The following MAD2L1BP variants were observed in gnomAD, a reference collection of about 807,000 sequenced individuals.
The protein encoded by MAD2L1BP is MAD2L1 binding protein.
Under a neutral mutation model 28.4 loss-of-function variants are expected in MAD2L1BP, and 22 were observed. The observed-to-expected ratio is 0.77, with a 90% CI of 0.55 to 1.10. The LOEUF (loss-of-function observed/expected upper bound fraction) is 1.10, where lower values mean the gene tolerates loss of function less well. Among genes scored for constraint, MAD2L1BP ranks in the 50% least tolerant of loss-of-function variants. The probability of loss-of-function intolerance (pLI) is 0.00; values close to 1 mark genes in which losing one functional copy is unlikely to be tolerated. For missense variants in MAD2L1BP, 325 were observed against 350.5 expected, an observed-to-expected ratio of 0.93 and a Z score of 0.58; for synonymous variants, 146 against 133.7, an observed-to-expected ratio of 1.09 and a Z score of -0.63.
intron 2 of MAD2L1BP, among the ~76,000 whole-genome samples, chr6:43,637,134 G>A (rs1371329182): frequency 2.7e-5 from 4 of 150,322 alleles, no homozygotes; most frequent in African/African-American, 9.8e-5. Context: ...GCGTGATCTC[G>A]GCTCACTGCA....
At chr6:43,631,004 T>A (rs1337723141), upstream of MAD2L1BP, among the ~76,000 whole-genome samples, 1 of 151,684 alleles carries the variant, frequency 6.6e-6, no homozygotes, top group Non-Finnish European at 1.5e-5. Context: ...GCAGCAATAA[T>A]GACTTACCTC....
At chr6:43,635,192 G>T (rs1184022778), upstream of MAD2L1BP, among the ~76,000 whole-genome samples, 5 of 152,224 alleles carry the variant, frequency 3.3e-5, no homozygotes, top group Middle Eastern at 3.4e-3. Context: ...CTCTCACGTG[G>T]CTTATACGGT....
chr6:43,633,093 C>T, upstream of MAD2L1BP: 1 of 377,528 alleles, frequency 2.6e-6, no homozygotes, highest in Non-Finnish European at 5.1e-6. Context: ...AGCAATTCTC[C>T]CACCTCGGCC....
At chr6:43,632,748 C>T (rs1179574148), upstream of MAD2L1BP, among the ~76,000 whole-genome samples, 3 of 148,192 alleles carry the variant, frequency 2.0e-5, no homozygotes, top group Admixed American at 6.9e-5. Flanking sequence ...CAGCCGGGTG[C>T]GGTGGCTCAC....
Position 43,640,328 on chromosome 6 carries a change from C to T in MAD2L1BP, c.620C>T (p.Pro207Leu), listed in dbSNP as rs1158724444. Residue 207 changes from proline to leucine, a missense_variant, in exon 3 of 3, where the codon CCA (proline) becomes CTA (leucine). Transcript: ENST00000372171. ...GCCTTTAGCGAGCTTCAGGCTCCTCCACTCATGGGCACCGTCGTCATGGCA... is the reference window on the plus strand; with the variant it reads ...GCCTTTAGCGAGCTTCAGGCTCCTCTACTCATGGGCACCGTCGTCATGGCA... ...ADAFSELQAP[P>L]LMGTVVMAQG... is the part of the protein sequence containing the mutation. 4 of 1,613,638 alleles carry T rather than the reference C, an allele frequency of 2.5e-6. No homozygotes were observed. Among genetic ancestry groups the T allele is most frequent in the Non-Finnish European group, 3.4e-6 (4 of 1,179,778 alleles).
chr6:43,630,191 CT>C (rs1769817040), intron 1 of MAD2L1BP, among the ~76,000 whole-genome samples: 1 of 152,226 alleles, frequency 6.6e-6, no homozygotes, highest in Admixed American at 6.5e-5. Flanking sequence ...GGATTTTTGG[CT>C]TTTGACTCTC....
chr6:43,638,144 C>T (rs1294523496), intron 2 of MAD2L1BP, among the ~76,000 whole-genome samples: 1 of 150,652 alleles, frequency 6.6e-6, no homozygotes, highest in Non-Finnish European at 1.5e-5. Flanking sequence ...GTGATCCGCC[C>T]GCCTTGGCCT....
chr6:43,640,094 C>T lies in MAD2L1BP; in HGVS notation c.386C>T (p.Ala129Val). The change falls in exon 3 of 3, where the codon GCA becomes GTA. Residue 129 changes from alanine to valine, a missense_variant. Coordinates refer to ENST00000372171, the MANE Select transcript of MAD2L1BP (RefSeq NM_014628.3). ...AGCAGGAAATGCCAACAAGCCCTGG[C>T]AGAACTGGAGAGTGTCCTCAGCCAC... ...VSSRKCQQAL[A>V]ELESVLSHLE... The T allele has an allele frequency of 6.3e-7, 1 of 1,594,710 alleles. No homozygotes were observed. Among genetic ancestry groups the T allele is most frequent in the South Asian group, 1.1e-5 (1 of 89,328 alleles).
intron 2 of MAD2L1BP, among the ~76,000 whole-genome samples, chr6:43,637,320 C>T (rs2127863467): frequency 6.6e-6 from 1 of 151,992 alleles, no homozygotes; most frequent in South Asian, 2.1e-4. Context: ...CCGCCTTGGC[C>T]TCTCCCAAAG....
At chr6:43,632,538 C>T (rs879921092), upstream of MAD2L1BP, among the ~76,000 whole-genome samples, 3 of 151,566 alleles carry the variant, frequency 2.0e-5, no homozygotes, top group African/African-American at 7.3e-5. Context: ...GGATTACAGG[C>T]GTGAGCCACT....
At chr6:43,630,908 C>CAAAAAAAAAAAAAAA (rs753239311), upstream of MAD2L1BP, among the ~76,000 whole-genome samples, 1 of 53,620 alleles carries the variant, frequency 1.9e-5, no homozygotes, top group Non-Finnish European at 3.8e-5. Context: ...GACTTCGTCT[C>CAAAAAAAAAAAAAAA]AAAAAAAAAA....
At chr6:43,638,308 T>G (rs1358567272) in intron 2 of MAD2L1BP, among the ~76,000 whole-genome samples, 2 of 152,038 alleles carry the variant, frequency 1.3e-5, no homozygotes, top group East Asian at 2.0e-4. Context: ...TCCCAAAGTG[T>G]TGTTGGGATT....
At chr6:43,633,271 C>T, upstream of MAD2L1BP, 1 of 402,678 alleles carries the variant, frequency 2.5e-6, no homozygotes. Context: ...CTCCCAGGTT[C>T]AAGGGATTCT....
chr6:43,634,694 G>T (rs1770104867), upstream of MAD2L1BP, among the ~76,000 whole-genome samples: 1 of 152,104 alleles, frequency 6.6e-6, no homozygotes, highest in African/African-American at 2.4e-5. Context: ...CTGAGTAGCT[G>T]GGATTACAGG....
At chr6:43,629,801 G>A (rs1380677600) in intron 1 of MAD2L1BP, 2 of 1,560,664 alleles carry the variant, frequency 1.3e-6, no homozygotes, top group South Asian at 1.2e-5. Flanking sequence ...GGCGGAGGCG[G>A]ATGGTGATTA....
upstream of MAD2L1BP, chr6:43,635,770 C>T: frequency 8.3e-7 from 1 of 1,200,962 alleles, no homozygotes; most frequent in Non-Finnish European, 1.1e-6. Context: ...GGCGACGCCG[C>T]GCCTTTTTTC....
Position 43,636,517 on chromosome 6 carries a change from T to G in MAD2L1BP, c.183T>G (p.Pro61=), listed in dbSNP as rs748375069. Residue 61 remains proline (P), a synonymous_variant, in exon 2 of 3, where the codon CCT becomes CCG. Coordinates refer to ENST00000372171, the MANE Select transcript of MAD2L1BP (RefSeq NM_014628.3). Reference sequence around the variant, plus strand: ...ACTGCATGGTACCAGTGGTGTTTCCTGGGCCTGTGAGCCAGGAAGGCTGCT... The same window carrying G: ...ACTGCATGGTACCAGTGGTGTTTCCGGGGCCTGTGAGCCAGGAAGGCTGCT... ...PRDCMVPVVF[P]GPVSQEGCCQ... 8 of 1,614,094 alleles carry G rather than the reference T, an allele frequency of 5.0e-6. No homozygotes were observed. The highest frequency in any genetic ancestry group is 6.8e-6 in the Non-Finnish European group (8 of 1,180,052).
chr6:43,640,388 G>C lies in MAD2L1BP; in HGVS notation c.680G>C (p.Arg227Pro). The C allele has an allele frequency of 6.2e-7, 1 of 1,613,938 alleles. No individual in the cohort carries two copies. The highest frequency in any genetic ancestry group is 8.5e-7 in the Non-Finnish European group (1 of 1,180,004). The change falls in exon 3 of 3, where the codon CGA becomes CCA. Residue 227 changes from arginine (R) to proline (P), a missense_variant. Arg to Pro is a moderately radical substitution (Grantham distance 103). Coordinates refer to ENST00000372171, the MANE Select transcript of MAD2L1BP (RefSeq NM_014628.3). ...GHRNCGEDWF[R>P]PKLNYRVPSR... ...CGCAACTGTGGAGAAGATTGGTTTCGACCCAAGCTCAACTATCGAGTGCCC... is the reference window on the plus strand; with the variant it reads ...CGCAACTGTGGAGAAGATTGGTTTCCACCCAAGCTCAACTATCGAGTGCCC...
chr6:43,636,287 C>A, intron 1 of MAD2L1BP, 94 bp from the exon 2 acceptor site: 1 of 1,338,546 alleles, frequency 7.5e-7, no homozygotes, highest in Non-Finnish European at 1.0e-6. Context: ...CCTGCTTTTT[C>A]AGGGTGGCTG....
Sources: gnomAD v4.1 joint callset for allele counts (sites outside exome capture counted in the v4.1 genomes callset) on GRCh38, gnomAD v4.1.1 for gene constraint, MANE v1.5 for transcripts, NCBI Gene and HGNC (gene_info 2026-07-23, HGNC 2026-07-21) for gene names.